The following CHRM2 variants were observed in gnomAD, a reference collection of about 807,000 sequenced individuals.
CHRM2 encodes the protein muscarinic acetylcholine receptor M2.
A neutral mutation model predicts 25.0 loss-of-function variants in CHRM2; 8 were observed. The observed-to-expected ratio is 0.32, with a 90% CI of 0.19 to 0.58. CHRM2 has a LOEUF of 0.58. CHRM2 is among the 20% of genes least tolerant of loss of function. The probability of loss-of-function intolerance (pLI) is 0.88; values close to 1 mark genes in which losing one functional copy is unlikely to be tolerated. For missense variants in CHRM2, 440 were observed against 567.1 expected (o/e 0.78, Z 2.28); for synonymous variants, 202 against 205.7 (o/e 0.98, Z 0.15).
chr7:136,977,863 G>A (rs1802208950), intron 2 of CHRM2, among the ~76,000 whole-genome samples: 1 of 152,132 alleles, frequency 6.6e-6, no homozygotes, highest in Admixed American at 6.5e-5. Context: ...AATTTGTATA[G>A]CTTGAGGTCT....
rs7801414 is a variant in CHRM2, at chr7:136,964,582, A to C, written c.-124-27605A>C. On this transcript the variant is annotated intron_variant, in intron 2 of 3. Transcript: ENST00000680005. Reference sequence around the variant, plus strand: ...TTTCTTTGTCTAGTCTCCCAAAGGAAATATTGGATTCCTTCCTCCTTTTTC... The same window carrying C: ...TTTCTTTGTCTAGTCTCCCAAAGGACATATTGGATTCCTTCCTCCTTTTTC... 4.6e-3 allele frequency among the ~76,000 whole-genome samples: 701 copies of C among 152,278 alleles called. 6 individuals are homozygous for C. Among genetic ancestry groups the C allele is most frequent in the African/African-American group, 0.016 (653 of 41,552 alleles).
At chr7:136,959,580 T>G (rs1398557947) in intron 2 of CHRM2, among the ~76,000 whole-genome samples, 2 of 152,176 alleles carry the variant, frequency 1.3e-5, no homozygotes, top group East Asian at 3.9e-4. Flanking sequence ...TATGGTGATT[T>G]CTGAAGTGGG....
intron 2 of CHRM2, among the ~76,000 whole-genome samples, chr7:136,960,448 C>T (rs766892050): frequency 9.9e-5 from 15 of 152,180 alleles, no homozygotes; most frequent in Non-Finnish European, 1.8e-4. Context: ...GCCAGAACAT[C>T]CTATTCACTC....
At chr7:136,998,903 G>A (rs966136471) in intron 3 of CHRM2, among the ~76,000 whole-genome samples, 4 of 152,072 alleles carry the variant, frequency 2.6e-5, no homozygotes, top group Non-Finnish European at 2.9e-5. Context: ...GACTCAGGAG[G>A]AGCAAACAAT....
intron 2 of CHRM2, among the ~76,000 whole-genome samples, chr7:136,985,504 C>A (rs1391603607): frequency 3.7e-4 from 22 of 59,762 alleles, no homozygotes; most frequent in East Asian, 1.1e-3. Flanking sequence ...AGTTAGACTC[C>A]AAAAAAAAAA....
At chr7:136,973,436 C>T (rs324602) in intron 2 of CHRM2, among the ~76,000 whole-genome samples, 1 of 92,050 alleles carries the variant, frequency 1.1e-5, no homozygotes, top group Non-Finnish European at 2.0e-5. Context: ...ATGACGGTGA[C>T]GGTGTTAGGG....
At chr7:136,987,811 G>T (rs1329064878) in intron 2 of CHRM2, among the ~76,000 whole-genome samples, 3 of 152,022 alleles carry the variant, frequency 2.0e-5, no homozygotes, top group Non-Finnish European at 4.4e-5. Context: ...AACACATTCG[G>T]ACTTCAATTA....
At chr7:136,957,276 TG>T in intron 2 of CHRM2, among the ~76,000 whole-genome samples, 1 of 145,388 alleles carries the variant, frequency 6.9e-6, no homozygotes, top group South Asian at 2.1e-4. Context: ...TGTGTGTGTG[TG>T]TGCACATGCA....
chr7:136,939,380 T>C (rs1158122661), intron 2 of CHRM2, among the ~76,000 whole-genome samples: 3 of 152,248 alleles, frequency 2.0e-5, no homozygotes, highest in Non-Finnish European at 4.4e-5. Flanking sequence ...CAAGTTCCAG[T>C]TCTAATGCCC....
At chr7:136,908,996 TTTTTG>T (rs1189222181) in intron 2 of CHRM2, among the ~76,000 whole-genome samples, 6 of 151,852 alleles carry the variant, frequency 4.0e-5, no homozygotes, top group Non-Finnish European at 5.9e-5. Context: ...AATTATGAGT[TTTTTG>T]TTTTGTTTTC....
At chr7:136,919,058 C>A (rs755935735) in intron 2 of CHRM2, among the ~76,000 whole-genome samples, 1 of 152,040 alleles carries the variant, frequency 6.6e-6, no homozygotes, top group South Asian at 2.1e-4. Context: ...AGAAAAGAAT[C>A]GGCCATTTTT....
At chr7:136,913,065 TTA>T (rs997786360) in intron 2 of CHRM2, among the ~76,000 whole-genome samples, 4 of 152,070 alleles carry the variant, frequency 2.6e-5, no homozygotes, top group African/African-American at 7.2e-5. Context: ...AAACTGATTT[TTA>T]TATGTTATTT....
intron 2 of CHRM2, among the ~76,000 whole-genome samples, chr7:136,885,386 A>G (rs62485226): frequency 0.02 from 3,033 of 152,354 alleles, 42 homozygotes; most frequent in Non-Finnish European, 0.03. Context: ...TATCATCTGT[A>G]TAGCCACATA....
chr7:136,927,187 T>A (rs1194846629), intron 2 of CHRM2, among the ~76,000 whole-genome samples: 2 of 152,208 alleles, frequency 1.3e-5, no homozygotes, highest in Non-Finnish European at 2.9e-5. Flanking sequence ...ACTCAATATG[T>A]ATTAGTTGTT....
At chr7:136,901,676 G>C (rs780974095) in intron 2 of CHRM2, among the ~76,000 whole-genome samples, 2 of 151,838 alleles carry the variant, frequency 1.3e-5, no homozygotes, top group Non-Finnish European at 2.9e-5. Flanking sequence ...TCCATTTGTT[G>C]TAAGAACCTA....
intron 3 of CHRM2, among the ~76,000 whole-genome samples, chr7:137,006,733 G>A (rs888041880): frequency 6.6e-6 from 1 of 151,974 alleles, no homozygotes; most frequent in Non-Finnish European, 1.5e-5. Context: ...ATAAAATGCA[G>A]TATGTGTTTG....
chr7:137,008,206 G>A (rs1804576878), intron 3 of CHRM2, among the ~76,000 whole-genome samples: 1 of 152,026 alleles, frequency 6.6e-6, no homozygotes, highest in Non-Finnish European at 1.5e-5. Context: ...TTCTTAAGGT[G>A]GGGAAGAGAT....
intron 3 of CHRM2, among the ~76,000 whole-genome samples, chr7:137,013,304 T>TA (rs1161081047): frequency 1.3e-4 from 20 of 151,910 alleles, no homozygotes; most frequent in African/African-American, 4.6e-4. Context: ...TTTTGTCAAA[T>TA]AAAATACTGG....
intron 2 of CHRM2, among the ~76,000 whole-genome samples, chr7:136,877,059 A>G (rs17409631): frequency 0.16 from 25,063 of 152,042 alleles, 2,468 homozygotes; most frequent in Non-Finnish European, 0.23. Context: ...TCACAGGACT[A>G]CATTTTAAAT....
Sources: gnomAD v4.1 joint callset for allele counts (sites outside exome capture counted in the v4.1 genomes callset) on GRCh38, gnomAD v4.1.1 for gene constraint, MANE v1.5 for transcripts, NCBI Gene and HGNC (gene_info 2026-07-23, HGNC 2026-07-21) for gene names.